PPARGC1A: variants seen among roughly 807,000 people sequenced by gnomAD.
The protein encoded by PPARGC1A is PPARG coactivator 1 alpha, also known as peroxisome proliferator-activated receptor gamma coactivator 1-alpha.
Under a neutral mutation model 88.7 loss-of-function variants are expected in PPARGC1A, and 25 were observed. That is an observed-to-expected ratio of 0.28 (90% CI 0.21 to 0.39). PPARGC1A has a LOEUF of 0.39. Among genes scored for constraint, PPARGC1A ranks in the 10% least tolerant of loss-of-function variants. The pLI, the probability that PPARGC1A is intolerant of heterozygous loss-of-function variation, is 1.00. For missense variants in PPARGC1A, 880 were observed against 968.7 expected (o/e 0.91, Z 1.22); for synonymous variants, 363 against 355.6 (o/e 1.02, Z -0.24).
At chr4:23,910,288 ATT>A in the PPARGC1A span, among the ~76,000 whole-genome samples, 217 of 74,892 alleles carry the variant, frequency 2.9e-3, 5 homozygotes, top group Non-Finnish European at 5.3e-3. Flanking sequence ...CCTATATATT[ATT>A]ATATATATTA....
At chr4:24,227,148 G>A in the PPARGC1A span, among the ~76,000 whole-genome samples, 5 of 151,552 alleles carry the variant, frequency 3.3e-5, no homozygotes, top group Non-Finnish European at 7.4e-5. Context: ...GCAGTGGTGC[G>A]ATCTCGGCTC....
At chr4:24,316,715 A>G in the PPARGC1A span, among the ~76,000 whole-genome samples, 1 of 152,230 alleles carries the variant, frequency 6.6e-6, no homozygotes, top group Admixed American at 6.5e-5. Context: ...AATGGGAAGA[A>G]TAATGCTTAT....
chr4:24,177,619 TTAAATAAATAAA>T, the PPARGC1A span, among the ~76,000 whole-genome samples: 3,441 of 124,820 alleles, frequency 0.028, 116 homozygotes, highest in African/African-American at 0.092. Context: ...TCAAGTATAA[TTAAATAAATAAA>T]TAAATAAATA....
the PPARGC1A span, among the ~76,000 whole-genome samples, chr4:24,116,240 A>G: frequency 6.6e-6 from 1 of 152,214 alleles, no homozygotes; most frequent in Non-Finnish European, 1.5e-5. Flanking sequence ...CATTCTGTCA[A>G]CAAATATTTA....
the PPARGC1A span, among the ~76,000 whole-genome samples, chr4:24,178,401 A>G: frequency 6.6e-6 from 1 of 152,202 alleles, no homozygotes; most frequent in Non-Finnish European, 1.5e-5. Flanking sequence ...GCGTTACTCA[A>G]ATGACATCAT....
At chr4:24,324,180 C>T in the PPARGC1A span, among the ~76,000 whole-genome samples, 4 of 152,162 alleles carry the variant, frequency 2.6e-5, no homozygotes, top group Non-Finnish European at 4.4e-5. Context: ...GCAAGTCCTG[C>T]TTTTCTGGGG....
At chr4:23,930,122 T>C in the PPARGC1A span, among the ~76,000 whole-genome samples, 1 of 152,180 alleles carries the variant, frequency 6.6e-6, no homozygotes, top group African/African-American at 2.4e-5. Context: ...ACCTAGATAT[T>C]CTGTTTCATT....
chr4:23,922,890 C>T, the PPARGC1A span, among the ~76,000 whole-genome samples: 1 of 152,166 alleles, frequency 6.6e-6, no homozygotes, highest in African/African-American at 2.4e-5. Context: ...CACCTCTTTG[C>T]CATTTCAACT....
the PPARGC1A span, among the ~76,000 whole-genome samples, chr4:24,403,855 A>C: frequency 6.6e-6 from 1 of 152,190 alleles, no homozygotes; most frequent in African/African-American, 2.4e-5. Flanking sequence ...TCATTTTCCG[A>C]ATAAGAAGAA....
chr4:24,245,330 C>T, the PPARGC1A span, among the ~76,000 whole-genome samples: 3 of 152,196 alleles, frequency 2.0e-5, no homozygotes, highest in Admixed American at 2.0e-4. Flanking sequence ...GTCAGATAAG[C>T]AAGTGCTTGC....
chr4:24,249,071 C>A, the PPARGC1A span, among the ~76,000 whole-genome samples: 6 of 152,302 alleles, frequency 3.9e-5, no homozygotes, highest in Non-Finnish European at 8.8e-5. Flanking sequence ...CCAATCCCAA[C>A]ACTTTGCCCT....
chr4:24,142,350 G>A, the PPARGC1A span, among the ~76,000 whole-genome samples: 1 of 152,118 alleles, frequency 6.6e-6, no homozygotes, highest in Non-Finnish European at 1.5e-5. Flanking sequence ...GGTGAAAGGA[G>A]AAATAAGAGT....
At chr4:23,809,865 C>A (rs1333667797) in intron 10 of PPARGC1A, among the ~76,000 whole-genome samples, 2 of 152,084 alleles carry the variant, frequency 1.3e-5, no homozygotes, top group Non-Finnish European at 1.5e-5. Context: ...CAGTCTTATA[C>A]CCTCTCTGAG....
At chr4:24,110,033 A>G in the PPARGC1A span, among the ~76,000 whole-genome samples, 1 of 152,152 alleles carries the variant, frequency 6.6e-6, no homozygotes, top group African/African-American at 2.4e-5. Flanking sequence ...ACTCTGCCCT[A>G]TGAGCTCTCC....
the PPARGC1A span, among the ~76,000 whole-genome samples, chr4:23,971,716 C>T: frequency 0.021 from 3,202 of 152,228 alleles, 108 homozygotes; most frequent in African/African-American, 0.074. Flanking sequence ...CCTTTCCCAG[C>T]GCACTGACTC....
chr4:24,126,786 A>G, the PPARGC1A span, among the ~76,000 whole-genome samples: 1 of 152,220 alleles, frequency 6.6e-6, no homozygotes, highest in Admixed American at 6.5e-5. Context: ...TTTCAGTTGC[A>G]GAGCCTCAGC....
At chr4:24,041,053 A>G in the PPARGC1A span, among the ~76,000 whole-genome samples, 1 of 152,176 alleles carries the variant, frequency 6.6e-6, no homozygotes, top group Non-Finnish European at 1.5e-5. Flanking sequence ...GAGAACCGAC[A>G]TTGGGATTAT....
the PPARGC1A span, among the ~76,000 whole-genome samples, chr4:24,444,135 G>A: frequency 1.3e-5 from 2 of 152,088 alleles, no homozygotes; most frequent in African/African-American, 2.4e-5. Context: ...GGGTTCAAGC[G>A]ATTCTCCTGC....
At chr4:23,981,401 A>G in the PPARGC1A span, among the ~76,000 whole-genome samples, 4,040 of 152,250 alleles carry the variant, frequency 0.027, 96 homozygotes, top group South Asian at 0.11. Flanking sequence ...ACCATAGGAC[A>G]TCACCTTTCC....
Sources: gnomAD v4.1 joint callset for allele counts (sites outside exome capture counted in the v4.1 genomes callset) on GRCh38, gnomAD v4.1.1 for gene constraint, MANE v1.5 for transcripts, NCBI Gene and HGNC (gene_info 2026-07-23, HGNC 2026-07-21) for gene names.